ZBTB16: variants seen among roughly 807,000 people sequenced by gnomAD.
ZBTB16 encodes zinc finger and BTB domain-containing protein 16.
ZBTB16 carries 8 observed loss-of-function variants against 56.8 expected under a neutral mutation model. The observed-to-expected ratio is 0.14, with a 90% CI of 0.08 to 0.25. ZBTB16 has a LOEUF of 0.25. Among genes scored for constraint, ZBTB16 ranks in the 10% least tolerant of loss-of-function variants. The pLI is 1.00. For missense variants in ZBTB16, 625 were observed against 903.0 expected (o/e 0.69, Z 3.95); for synonymous variants, 363 against 368.5 (o/e 0.98, Z 0.17).
At chr11:114,116,676 A>G (rs1941184699) in intron 2 of ZBTB16, among the ~76,000 whole-genome samples, 1 of 152,218 alleles carries the variant, frequency 6.6e-6, no homozygotes, top group Admixed American at 6.5e-5. Flanking sequence ...ATGCGTTCCT[A>G]GCTCTTAATT....
intron 5 of ZBTB16, among the ~76,000 whole-genome samples, chr11:114,244,371 G>C (rs1944774141): frequency 6.6e-6 from 1 of 151,996 alleles, no homozygotes; most frequent in South Asian, 2.1e-4. Flanking sequence ...AGATTGGGGG[G>C]GGCGGGGTCA....
chr11:114,132,315 A>G (rs1447021665), intron 2 of ZBTB16, among the ~76,000 whole-genome samples: 2 of 152,172 alleles, frequency 1.3e-5, no homozygotes, highest in Admixed American at 6.5e-5. Context: ...ATTATTTCAT[A>G]TAAACTAAAA....
At chr11:114,147,675 C>G (rs145601917) in intron 2 of ZBTB16, among the ~76,000 whole-genome samples, 1 of 152,222 alleles carries the variant, frequency 6.6e-6, no homozygotes, top group Non-Finnish European at 1.5e-5. Context: ...CACAACTTTT[C>G]TGGTCTCTTA....
chr11:114,236,163 T>G (rs1944586029), intron 4 of ZBTB16, among the ~76,000 whole-genome samples: 1 of 152,216 alleles, frequency 6.6e-6, no homozygotes, highest in Non-Finnish European at 1.5e-5. Flanking sequence ...CTGACTTATA[T>G]ATCTGATTTA....
intron 2 of ZBTB16, among the ~76,000 whole-genome samples, chr11:114,068,755 T>C (rs1939219428): frequency 6.6e-6 from 1 of 152,192 alleles, no homozygotes; most frequent in South Asian, 2.1e-4. Context: ...CCCTTTCTTA[T>C]TCCAAAAGGC....
intron 4 of ZBTB16, among the ~76,000 whole-genome samples, chr11:114,215,464 A>G (rs1437148409): frequency 6.6e-6 from 1 of 152,226 alleles, no homozygotes; most frequent in East Asian, 1.9e-4. Flanking sequence ...GAAGGGAAAG[A>G]TATGGCAGCT....
chr11:114,147,497 A>G (rs1287713982), intron 2 of ZBTB16, among the ~76,000 whole-genome samples: 1 of 152,212 alleles, frequency 6.6e-6, no homozygotes, highest in Non-Finnish European at 1.5e-5. Context: ...TAATTCCCTT[A>G]TAGGGCCTTT....
intron 4 of ZBTB16, chr11:114,188,679 G>C (rs1943422369): frequency 6.6e-6 from 1 of 152,208 alleles, no homozygotes; most frequent in Non-Finnish European, 1.5e-5. Flanking sequence ...GCATGAGACA[G>C]ACGACATTGC....
intron 3 of ZBTB16, among the ~76,000 whole-genome samples, chr11:114,185,954 G>C (rs1430515583): frequency 6.6e-6 from 1 of 152,194 alleles, no homozygotes; most frequent in African/African-American, 2.4e-5. Context: ...TATAGTAATA[G>C]GTTTCCAGTG....
intron 2 of ZBTB16, among the ~76,000 whole-genome samples, chr11:114,155,878 A>G (rs992854889): frequency 5.3e-5 from 8 of 152,146 alleles, no homozygotes; most frequent in African/African-American, 1.9e-4. Flanking sequence ...AGTTGGAGGT[A>G]GGAGAGAGAA....
At chr11:114,177,145 C>T (rs552823239) in intron 3 of ZBTB16, among the ~76,000 whole-genome samples, 2 of 152,288 alleles carry the variant, frequency 1.3e-5, no homozygotes, top group South Asian at 4.1e-4. Flanking sequence ...CTGCTATGTG[C>T]CAGGTACTTC....
chr11:114,101,263 T>C (rs1940600401), intron 2 of ZBTB16, among the ~76,000 whole-genome samples: 1 of 152,164 alleles, frequency 6.6e-6, no homozygotes, highest in Admixed American at 6.5e-5. Context: ...CCTTGTCCTC[T>C]TAAAGTGCTG....
At position 114,250,496 on chromosome 11, in the gene ZBTB16, G is replaced by A. The variant is rs755884048; in HGVS notation, c.1963G>A (p.Glu655Lys). The change falls in exon 7 of 7, where the codon GAG becomes AAG. Residue 655 changes from glutamate (E) to lysine (K), a missense_variant. Glu to Lys is a moderately conservative substitution (Grantham distance 56, BLOSUM62 1). Transcript: ENST00000335953. This position sits in a 1 kb window ranked among gnomAD's most constrained non-coding sequence, Gnocchi z 6.0. ...MQKHMKGHKP[E>K]EIPPDWRIEK... ...GAAGCACATGAAGGGCCACAAGCCC[G>A]AGGAGATCCCGCCCGACTGGAGGAT... is the stretch of plus-strand genomic sequence containing the variant. 3 of 1,614,190 alleles carry A rather than the reference G, an allele frequency of 1.9e-6. No homozygotes were observed. The highest frequency in any genetic ancestry group is 8.5e-7 in the Non-Finnish European group (1 of 1,180,042).
At chr11:114,160,128 C>G (rs993015536) in intron 3 of ZBTB16, among the ~76,000 whole-genome samples, 1 of 152,194 alleles carries the variant, frequency 6.6e-6, no homozygotes, top group Non-Finnish European at 1.5e-5. Flanking sequence ...GCCCCACCCC[C>G]TCTTGGCGAG....
chr11:114,242,174 C>A lies in ZBTB16; in HGVS notation c.1461C>A (p.Asp487Glu). 6.2e-7 allele frequency: 1 copy of A among 1,613,704 alleles called. No individual in the cohort carries two copies. ...ETHRQTHTGT[D>E]MAVFCLLCGK... ...CTCTCCTGTCTCCCACAGGCACTGA[C>A]ATGGCCGTCTTCTGTCTGCTGTGTG... The change falls in exon 5 of 7, where the codon GAC (aspartate) becomes GAA (glutamate). Residue 487 changes from aspartate (D) to glutamate (E), a missense_variant. Transcript: ENST00000335953.
chr11:114,146,650 A>G (rs1591713699), intron 2 of ZBTB16, among the ~76,000 whole-genome samples: 1 of 152,184 alleles, frequency 6.6e-6, no homozygotes, highest in Non-Finnish European at 1.5e-5. Context: ...AGTTGGAGAC[A>G]GCCTGGCCAA....
chr11:114,153,298 T>C (rs1374981724), intron 2 of ZBTB16, among the ~76,000 whole-genome samples: 1 of 152,250 alleles, frequency 6.6e-6, no homozygotes, highest in Non-Finnish European at 1.5e-5. Flanking sequence ...TAATGAACTT[T>C]ATGTGCTTTG....
In ZBTB16 at chr11:114,111,156, C is replaced by CGTGTA. The variant is rs1555137314; in HGVS notation, c.1269-45177_1269-45176insAGTGT. On this transcript the variant is annotated intron_variant, in intron 2 of 6. Transcript: ENST00000335953. ...ACTTTTGGCTTAGAGATCTGTGCTG[C>CGTGTA]GTGTGTGTGTGTGTGTGTGTGTGTG... Among the ~76,000 whole-genome samples, 258 of 148,964 alleles carry CGTGTA rather than the reference C, an allele frequency of 1.7e-3. 1 individual carries two copies. The highest frequency in any genetic ancestry group is 5.8e-3 in the African/African-American group (237 of 40,604).
Position 114,060,876 on chromosome 11 carries a change from G to A in ZBTB16, c.-91+994G>A, listed in dbSNP as rs544737339. On this transcript the variant is annotated intron_variant, in intron 1 of 6. Transcript: ENST00000335953. The surrounding 1 kb of genome is among the most constrained non-coding windows in gnomAD (Gnocchi z 6.0). Reference sequence around the variant, plus strand: ...GGGGGTCACGGCCCTGGGTCGGAGAGGGAGGGCGGGCAGACCCCTTCTCGC... The same window carrying A: ...GGGGGTCACGGCCCTGGGTCGGAGAAGGAGGGCGGGCAGACCCCTTCTCGC... Among the ~76,000 whole-genome samples the A allele has an allele frequency of 2.3e-3, 354 of 152,226 alleles. 2 individuals are homozygous for A. The highest frequency in any genetic ancestry group is 8.2e-3 in the African/African-American group (341 of 41,562).
Sources: allele counts gnomAD v4.1 joint callset (sites outside exome capture counted in the v4.1 genomes callset), GRCh38; gene constraint gnomAD v4.1.1; non-coding constraint Gnocchi (gnomAD v3.1); transcripts MANE v1.5; gene names NCBI Gene and HGNC (gene_info 2026-07-23, HGNC 2026-07-21).